The following NSL1 variants were observed in gnomAD, a reference collection of about 807,000 sequenced individuals.
NSL1 encodes the protein NSL1 component of MIS12 kinetochore complex.
A neutral mutation model predicts 25.4 loss-of-function variants in NSL1; 11 were observed. The observed-to-expected ratio is 0.43, with a 90% CI of 0.27 to 0.72. The LOEUF is 0.72. Among genes scored for constraint, NSL1 ranks in the 30% least tolerant of loss-of-function variants. NSL1 has a pLI of 0.19. For synonymous variants in NSL1, 118 were observed against 120.6 expected, an observed-to-expected ratio of 0.98 and a Z score of 0.14; for missense variants, 330 against 342.7, an observed-to-expected ratio of 0.96 and a Z score of 0.29.
Position 212,784,498 on chromosome 1 carries a change from T to C in NSL1, c.314-5A>G, listed in dbSNP as rs761282952. ...CAAGTACTTTGATGTCAGAATCTATTTGAGAAAAAAAAATGTATATATAAA... is the reference window on the plus strand; with the variant it reads ...CAAGTACTTTGATGTCAGAATCTATCTGAGAAAAAAAAATGTATATATAAA... On this transcript the variant is annotated splice_polypyrimidine_tract_variant and splice_region_variant and intron_variant, in intron 2 of 5. Coordinates refer to ENST00000366977, the MANE Select transcript of NSL1 (RefSeq NM_015471.4). 1.9e-5 allele frequency: 28 copies of C among 1,509,508 alleles called. No homozygotes were observed. The highest frequency in any genetic ancestry group is 1.9e-4 in the Middle Eastern group (1 of 5,322). The allele number at this position is 1,509,508 out of a possible 1,614,324, so 93.5% of individuals were successfully genotyped here.
intron 4 of NSL1, among the ~76,000 whole-genome samples, chr1:212,750,075 A>G (rs943012316): frequency 2.2e-4 from 34 of 151,800 alleles, no homozygotes; most frequent in Admixed American, 2.2e-3. Context: ...TAGCTTCCAG[A>G]ACTCCCTTGG....
In NSL1 at chr1:212,729,563, G is replaced by C; in HGVS notation, c.*8845C>G. 7 of 985,398 alleles carry C rather than the reference G, an allele frequency of 7.1e-6. No individual in the cohort carries two copies. Among genetic ancestry groups the C allele is most frequent in the Non-Finnish European group, 8.4e-6 (7 of 829,926 alleles). The allele number at this position is 985,398 out of a possible 1,614,324, so 61.0% of individuals were successfully genotyped here. On this transcript the variant is annotated 3_prime_UTR_variant, in exon 6 of 6. Transcript: ENST00000366977. The stretch of plus-strand genomic sequence containing the variant: ...TTTGCCCATTTTTATTATTCTGCCA[G>C]TGTCATCCCCTCATTTCTACACTTC...
In NSL1 at chr1:212,729,785, A is replaced by G; in HGVS notation, c.*8623T>C. ...AGATGCTCGGCTATAAAACGGCTCA[A>G]AAGAACAGCTAGAACATGGAAAAAG... On this transcript the variant is annotated 3_prime_UTR_variant, in exon 6 of 6. Coordinates refer to ENST00000366977, the MANE Select transcript of NSL1 (RefSeq NM_015471.4). 1.0e-6 allele frequency: 1 copy of G among 985,394 alleles called. No homozygotes were observed. The highest frequency in any genetic ancestry group is 1.2e-6 in the Non-Finnish European group (1 of 829,922). 61.0% of individuals were successfully genotyped at this position (985,394 alleles called of 1,614,324 possible).
chr1:212,788,128 C>T (rs1042971888), intron 1 of NSL1, among the ~76,000 whole-genome samples: 18 of 152,252 alleles, frequency 1.2e-4, no homozygotes, highest in African/African-American at 3.1e-4. Context: ...AAATAGCAAA[C>T]GTAGGCCAGG....
Position 212,732,838 on chromosome 1 carries a change from GATT to G in NSL1, c.*5567_*5569del, listed in dbSNP as rs1392519188. 1.9e-5 allele frequency: 3 copies of G among 154,586 alleles called. No individual in the cohort carries two copies. The Admixed American group carries it at 2.0e-4, about 10-fold the overall frequency. The allele number at this position is 154,586 out of a possible 1,614,324, so 9.6% of individuals were successfully genotyped here. On this transcript the variant is annotated 3_prime_UTR_variant, in exon 6 of 6. Coordinates refer to ENST00000366977, the MANE Select transcript of NSL1 (RefSeq NM_015471.4). ...ATATCTTTTAGCTAATCATGCACTT[GATT>G]ATTAGTTTGACTGTGTATAAAAGCC...
chr1:212,739,496 T>C, intron 5 of NSL1, 38 bp downstream of exon 5: 1 of 1,594,486 alleles, frequency 6.3e-7, no homozygotes, highest in Non-Finnish European at 8.6e-7. Context: ...GCCATACATT[T>C]TGTTCATTTG....
In NSL1 at chr1:212,731,116, TAG is replaced by T. The variant is rs1657995809; in HGVS notation, c.*7290_*7291del. ...CCAAGAACCCCCTTCAGTGGTTCTCTAGAGAGATATTTTTTTCTTCAGAGACT... is the reference window on the plus strand; with the variant it reads ...CCAAGAACCCCCTTCAGTGGTTCTCTAGAGATATTTTTTTCTTCAGAGACT... On this transcript the variant is annotated 3_prime_UTR_variant, in exon 6 of 6. Transcript: ENST00000366977. 21 of 984,506 alleles carry T rather than the reference TAG, an allele frequency of 2.1e-5. No homozygotes were observed. The highest frequency in any genetic ancestry group is 2.4e-5 in the Non-Finnish European group (20 of 829,524). 61.0% of individuals were successfully genotyped at this position (984,506 alleles called of 1,614,324 possible).
At chr1:212,774,939 CTG>C (rs1660287598) in intron 4 of NSL1, among the ~76,000 whole-genome samples, 1 of 152,126 alleles carries the variant, frequency 6.6e-6, no homozygotes, top group Non-Finnish European at 1.5e-5. Flanking sequence ...AGTAAAATGT[CTG>C]TACATTCTAG....
At chr1:212,766,307 T>C in intron 4 of NSL1, 1 of 595,964 alleles carries the variant, frequency 1.7e-6, no homozygotes, top group Non-Finnish European at 3.0e-6. Flanking sequence ...CTTTCACCAC[T>C]TCTATTCAAC....
At chr1:212,786,290 G>T (rs929312325) in intron 2 of NSL1, among the ~76,000 whole-genome samples, 3 of 151,806 alleles carry the variant, frequency 2.0e-5, no homozygotes, top group Non-Finnish European at 4.4e-5. Flanking sequence ...TTGAGGGCAA[G>T]AAATAATAGT....
At chr1:212,750,935 C>T (rs1165797964) in intron 4 of NSL1, among the ~76,000 whole-genome samples, 1 of 151,654 alleles carries the variant, frequency 6.6e-6, no homozygotes, top group Non-Finnish European at 1.5e-5. Context: ...AGCAAGACTG[C>T]CTCAAACGAA....
chr1:212,773,666 C>CAGGA, intron 4 of NSL1, among the ~76,000 whole-genome samples: 1 of 152,140 alleles, frequency 6.6e-6, no homozygotes, highest in Non-Finnish European at 1.5e-5. Flanking sequence ...TTACCATATG[C>CAGGA]TCCACCATTC....
rs142401812 is a variant in NSL1 at position 212,751,065 on chromosome 1, T to C, written c.500-11464A>G. 2.0e-3 allele frequency among the ~76,000 whole-genome samples: 302 copies of C among 152,290 alleles called. 1 individual carries two copies. Among genetic ancestry groups the C allele is most frequent in the Admixed American group, 3.8e-3 (58 of 15,298 alleles). On this transcript the variant is annotated intron_variant, in intron 4 of 5. Transcript: ENST00000366977. ...AAAATAATAATTACCTGACTCAGAT[T>C]GAAGAACACTTACATAGTCATAAAA...
At position 212,736,079 on chromosome 1, in the gene NSL1, C is replaced by A. The variant is rs924035515; in HGVS notation, c.*2329G>T. 1.0e-6 allele frequency: 1 copy of A among 973,694 alleles called. No homozygotes were observed. Among genetic ancestry groups the A allele is most frequent in the Non-Finnish European group, 1.2e-6 (1 of 819,270 alleles). 60.3% of individuals were successfully genotyped at this position (973,694 alleles called of 1,614,324 possible). On this transcript the variant is annotated 3_prime_UTR_variant, in exon 6 of 6. Coordinates refer to ENST00000366977, the MANE Select transcript of NSL1 (RefSeq NM_015471.4). ...TTGAAACAGGGTCTCACTCTGTCACCCAGGCTGGAGTACAGTGGTGCCATC... is the reference window on the plus strand; with the variant it reads ...TTGAAACAGGGTCTCACTCTGTCACACAGGCTGGAGTACAGTGGTGCCATC...
Position 212,726,991 on chromosome 1 carries a change from C to A in NSL1, c.*11417G>T. The A allele has an allele frequency of 2.3e-6, 2 of 878,138 alleles. No homozygotes were observed. Among genetic ancestry groups the A allele is most frequent in the Admixed American group, 2.8e-5 (1 of 35,542 alleles). The allele number at this position is 878,138 out of a possible 1,614,324, so 54.4% of individuals were successfully genotyped here. A position where few individuals can be genotyped will look rare whatever the true frequency, so the allele number is the denominator to read the frequency against. ...GGAGAGTGTGCTTCCTGGCTGTGTC[C>A]TCTCAGAGGCCCTCCAGTCCAGTCT... On this transcript the variant is annotated 3_prime_UTR_variant, in exon 6 of 6. Transcript: ENST00000366977.
At chr1:212,739,158 C>A (rs943991650) in intron 5 of NSL1, among the ~76,000 whole-genome samples, 4 of 152,198 alleles carry the variant, frequency 2.6e-5, no homozygotes, top group Non-Finnish European at 5.9e-5. Flanking sequence ...AAAGAAATAA[C>A]AGTATCTGTC....
chr1:212,762,497 T>C (rs544377117), intron 4 of NSL1, among the ~76,000 whole-genome samples: 67 of 152,164 alleles, frequency 4.4e-4, no homozygotes, highest in Non-Finnish European at 8.4e-4. Context: ...AAGGAAAGAA[T>C]AGTGGCTAGA....
At chr1:212,750,849 G>C (rs541490603) in intron 4 of NSL1, among the ~76,000 whole-genome samples, 2 of 152,112 alleles carry the variant, frequency 1.3e-5, no homozygotes, top group African/African-American at 2.4e-5. Context: ...GCTGAGGTGG[G>C]AGGATGGCTT....
At chr1:212,791,437 G>T in intron 1 of NSL1, 93 bp downstream of exon 1, 1 of 1,200,000 alleles carries the variant, frequency 8.3e-7, no homozygotes, top group Non-Finnish European at 1.2e-6. Flanking sequence ...CGTTAATTCT[G>T]CCAAGGCCTG....
Sources: allele counts gnomAD v4.1 joint callset (sites outside exome capture counted in the v4.1 genomes callset), GRCh38; gene constraint gnomAD v4.1.1; transcripts MANE v1.5; gene names NCBI Gene and HGNC (gene_info 2026-07-23, HGNC 2026-07-21).